SOS1: variants seen among roughly 807,000 people sequenced by gnomAD.
The protein encoded by SOS1 is son of sevenless homolog 1.
SOS1 carries 25 observed loss-of-function variants against 157.6 expected under a neutral mutation model. That is an observed-to-expected ratio of 0.16 (90% CI 0.12 to 0.22). The LOEUF (loss-of-function observed/expected upper bound fraction) is 0.22, where lower values mean the gene tolerates loss of function less well. Ranked by LOEUF, SOS1 falls within the 10% of genes least tolerant of loss-of-function variation. The pLI is 1.00. For synonymous variants in SOS1, 528 were observed against 534.0 expected, an observed-to-expected ratio of 0.99 and a Z score of 0.16; for missense variants, 1,237 against 1,599.1, an observed-to-expected ratio of 0.77 and a Z score of 3.86.
At chr2:39,111,590 T>G (rs1673437104) in intron 1 of SOS1, among the ~76,000 whole-genome samples, 1 of 152,126 alleles carries the variant, frequency 6.6e-6, no homozygotes, top group African/African-American at 2.4e-5. Flanking sequence ...TTCCTGCCAC[T>G]CCTAGAATAC....
intron 2 of SOS1, 29 bp from the exon 3 acceptor site, chr2:39,058,833 C>CA (rs1671303187): frequency 6.3e-7 from 1 of 1,576,248 alleles, no homozygotes; most frequent in Non-Finnish European, 8.7e-7. Context: ...AACAACTAAG[C>CA]AAAAAATATA....
At chr2:39,003,125 A>T (rs1040819909) in intron 17 of SOS1, among the ~76,000 whole-genome samples, 1 of 151,996 alleles carries the variant, frequency 6.6e-6, no homozygotes, top group African/African-American at 2.4e-5. Flanking sequence ...AGGAATTAAT[A>T]ATGATTTTTT....
chr2:39,107,011 A>C (rs1160923673), intron 1 of SOS1, among the ~76,000 whole-genome samples: 3 of 152,368 alleles, frequency 2.0e-5, no homozygotes, highest in Non-Finnish European at 4.4e-5. Context: ...TTAGCTACTG[A>C]AGTAAATTGT....
At chr2:39,034,408 T>C (rs963661001) in intron 8 of SOS1, among the ~76,000 whole-genome samples, 9 of 152,238 alleles carry the variant, frequency 5.9e-5, no homozygotes, top group Non-Finnish European at 8.8e-5. Context: ...GAAAGAATCA[T>C]GATACTAAAC....
chr2:39,038,725 T>A (rs1572844189), intron 6 of SOS1, among the ~76,000 whole-genome samples: 2 of 1,938 alleles, frequency 1.0e-3, no homozygotes, highest in Non-Finnish European at 2.8e-3. Context: ...AAAATGAGAC[T>A]CCGTCTCAAA....
At chr2:39,051,466 C>T (rs1671014426) in intron 5 of SOS1, 179 bp from the exon 6 acceptor site, 1 of 587,216 alleles carries the variant, frequency 1.7e-6, no homozygotes, top group Non-Finnish European at 3.0e-6. Context: ...CAAAGGTGTA[C>T]AATTTGCAAA....
Position 38,985,774 on chromosome 2 carries a change from C to T in SOS1, c.*50G>A, listed in dbSNP as rs776236114. The T allele has an allele frequency of 6.2e-7, 1 of 1,608,750 alleles. No individual in the cohort carries two copies. The highest frequency in any genetic ancestry group is 2.2e-5 in the East Asian group (1 of 44,722). On this transcript the variant is annotated 3_prime_UTR_variant, in exon 23 of 23. Coordinates refer to ENST00000402219, the MANE Select transcript of SOS1 (RefSeq NM_005633.4). ...GCTGGCACATTCAGTGCATCCATTGCCAGCAATGGATTTGGGGCTAGGAAA... is the reference window on the plus strand; with the variant it reads ...GCTGGCACATTCAGTGCATCCATTGTCAGCAATGGATTTGGGGCTAGGAAA...
At chr2:39,057,942 C>G (rs1054429672) in intron 3 of SOS1, among the ~76,000 whole-genome samples, 5 of 151,994 alleles carry the variant, frequency 3.3e-5, no homozygotes, top group Non-Finnish European at 7.4e-5. Context: ...TACTTAATCA[C>G]TTTCTGCCTC....
intron 6 of SOS1, among the ~76,000 whole-genome samples, chr2:39,043,366 T>C (rs1031419541): frequency 1.8e-4 from 27 of 152,220 alleles, no homozygotes; most frequent in African/African-American, 6.3e-4. Context: ...TGCCATTTCA[T>C]TGATATCTGA....
At chr2:38,991,025 TG>T (rs1446697262) in intron 20 of SOS1, among the ~76,000 whole-genome samples, 1 of 152,144 alleles carries the variant, frequency 6.6e-6, no homozygotes, top group Non-Finnish European at 1.5e-5. Flanking sequence ...CAATCTTGGC[TG>T]TACATTAGAA....
At chr2:39,087,474 C>T (rs1672421663) in intron 1 of SOS1, among the ~76,000 whole-genome samples, 1 of 152,086 alleles carries the variant, frequency 6.6e-6, no homozygotes, top group Non-Finnish European at 1.5e-5. Context: ...TTTACAATGG[C>T]CTGAATAACA....
rs1278045362 is a variant in SOS1, at chr2:39,120,577, G to A, written c.-155C>T. 3 of 861,482 alleles carry A rather than the reference G, an allele frequency of 3.5e-6. No homozygotes were observed. The highest frequency in any genetic ancestry group is 1.1e-4 in the South Asian group (2 of 18,796). The allele number at this position is 861,482 out of a possible 1,614,324, so 53.4% of individuals were successfully genotyped here. A position where few individuals can be genotyped will look rare whatever the true frequency, so the allele number is the denominator to read the frequency against. Reference sequence around the variant, plus strand: ...CGCGCAGCCGGGCTAGCCCTGGCGAGGGGGCTGGGGGGCGAGGCCCGCGCC... The same window carrying A: ...CGCGCAGCCGGGCTAGCCCTGGCGAAGGGGCTGGGGGGCGAGGCCCGCGCC... On this transcript the variant is annotated 5_prime_UTR_variant, in exon 1 of 23. Transcript: ENST00000402219.
At chr2:39,075,305 T>C (rs1671931454) in intron 1 of SOS1, among the ~76,000 whole-genome samples, 1 of 152,112 alleles carries the variant, frequency 6.6e-6, no homozygotes, top group African/African-American at 2.4e-5. Context: ...ACCACCAACT[T>C]AGGACAGGAA....
At chr2:39,013,439 C>T in intron 13 of SOS1, 21 bp downstream of exon 13, 1 of 1,365,554 alleles carries the variant, frequency 7.3e-7, no homozygotes, top group Non-Finnish European at 1.0e-6. Context: ...TAAAACTAGG[C>T]ACCTAAAAAA....
intron 6 of SOS1, among the ~76,000 whole-genome samples, chr2:39,037,674 G>A (rs1670405666): frequency 6.6e-6 from 1 of 150,632 alleles, no homozygotes; most frequent in African/African-American, 2.4e-5. Context: ...CAAGTCTTTT[G>A]GCCCCATTTT....
intron 1 of SOS1, among the ~76,000 whole-genome samples, chr2:39,091,183 T>G (rs1010690445): frequency 2.0e-5 from 3 of 152,150 alleles, no homozygotes; most frequent in Non-Finnish European, 4.4e-5. Context: ...ATTTGGTATT[T>G]TTATCAACCT....
At chr2:39,014,404 G>A (rs879782726) in intron 11 of SOS1, among the ~76,000 whole-genome samples, 6 of 151,952 alleles carry the variant, frequency 3.9e-5, no homozygotes, top group Non-Finnish European at 7.4e-5. Flanking sequence ...TTCCATCACA[G>A]TATTTGTTCA....
chr2:39,068,833 T>A (rs925904008), intron 1 of SOS1, among the ~76,000 whole-genome samples: 2 of 152,140 alleles, frequency 1.3e-5, no homozygotes, highest in Non-Finnish European at 2.9e-5. Context: ...TTTACTTGCA[T>A]CCCTTTGTTC....
chr2:39,047,847 T>A (rs1219424101), intron 6 of SOS1, among the ~76,000 whole-genome samples: 2 of 152,086 alleles, frequency 1.3e-5, no homozygotes, highest in African/African-American at 4.8e-5. Context: ...TTTGTATTTT[T>A]AATAGAGACA....
Sources: allele counts gnomAD v4.1 joint callset (sites outside exome capture counted in the v4.1 genomes callset), GRCh38; gene constraint gnomAD v4.1.1; transcripts MANE v1.5; gene names NCBI Gene and HGNC (gene_info 2026-07-23, HGNC 2026-07-21).